The following FRY variants were observed in gnomAD, a reference collection of about 807,000 sequenced individuals.
FRY encodes FRY microtubule binding protein, also known as protein furry homolog.
A neutral mutation model predicts 348.4 loss-of-function variants in FRY; 128 were observed. That is an observed-to-expected ratio of 0.37 (90% CI 0.32 to 0.43). FRY has a LOEUF of 0.43. Among genes scored for constraint, FRY ranks in the 20% least tolerant of loss-of-function variants. The pLI, the probability that FRY is intolerant of heterozygous loss-of-function variation, is 1.00. For synonymous variants in FRY, 1,370 were observed against 1,374.7 expected (o/e 1.00, Z 0.08); for missense variants, 2,736 against 3,695.2 (o/e 0.74, Z 6.73).
intron 55 of FRY, among the ~76,000 whole-genome samples, chr13:32,273,706 G>T (rs1888337943): frequency 6.6e-6 from 1 of 152,176 alleles, no homozygotes; most frequent in Non-Finnish European, 1.5e-5. Context: ...TTTCCGTGCT[G>T]TCTCAAGGAG....
At chr13:32,104,425 G>C (rs1169921973) in intron 3 of FRY, among the ~76,000 whole-genome samples, 2 of 152,196 alleles carry the variant, frequency 1.3e-5, no homozygotes, top group Non-Finnish European at 2.9e-5. Flanking sequence ...AAAACTCCCA[G>C]GTGACTCACA....
chr13:32,070,473 A>G (rs1419901240), intron 1 of FRY, among the ~76,000 whole-genome samples: 1 of 151,678 alleles, frequency 6.6e-6, no homozygotes, highest in African/African-American at 2.4e-5. Context: ...ACCAGTGATG[A>G]TGAGCATTTT....
chr13:32,271,854 G>T (rs528611843), intron 55 of FRY, among the ~76,000 whole-genome samples: 1 of 152,348 alleles, frequency 6.6e-6, no homozygotes, highest in South Asian at 2.1e-4. Flanking sequence ...AGTGGTTGTG[G>T]AAAGAGGGAG....
intron 13 of FRY, among the ~76,000 whole-genome samples, chr13:32,148,517 G>A (rs1264675764): frequency 2.6e-5 from 4 of 152,126 alleles, no homozygotes; most frequent in Non-Finnish European, 5.9e-5. Flanking sequence ...TTTACTATTT[G>A]AGCCCAGGAG....
At chr13:32,135,476 C>T (rs111369773) in intron 10 of FRY, among the ~76,000 whole-genome samples, 1 of 152,136 alleles carries the variant, frequency 6.6e-6, no homozygotes, top group Non-Finnish European at 1.5e-5. Context: ...TTTCTGAGAA[C>T]TTTTTTCCAA....
At chr13:32,066,885 G>T (rs1395940949) in intron 1 of FRY, among the ~76,000 whole-genome samples, 2 of 152,194 alleles carry the variant, frequency 1.3e-5, no homozygotes, top group Admixed American at 1.3e-4. Context: ...AGTTTATTAA[G>T]TTTTTCATAT....
At chr13:32,291,353 CTTTTT>C (rs1428101682) in intron 59 of FRY, among the ~76,000 whole-genome samples, 1 of 151,210 alleles carries the variant, frequency 6.6e-6, no homozygotes, top group Non-Finnish European at 1.5e-5. Flanking sequence ...CAACTCTTTT[CTTTTT>C]TATTTGCCAC....
At chr13:32,179,330 T>C (rs1355982610) in intron 22 of FRY, among the ~76,000 whole-genome samples, 1 of 152,218 alleles carries the variant, frequency 6.6e-6, no homozygotes, top group Non-Finnish European at 1.5e-5. Flanking sequence ...ACACTACATT[T>C]CTTTCACTCC....
At position 32,078,324 on chromosome 13, in the gene FRY, G is replaced by C. The variant is rs187808404; in HGVS notation, c.71-510G>C. Among the ~76,000 whole-genome samples the C allele has an allele frequency of 2.6e-3, 397 of 152,282 alleles. 9 individuals are homozygous for C. Among genetic ancestry groups the C allele is most frequent in the Admixed American group, 0.024 (362 of 15,296 alleles). On this transcript the variant is annotated intron_variant, in intron 1 of 60. Transcript: ENST00000542859. ...CTTTCAAGAGGTGTGTCCCTTTCTGGAGCAAGAGCCAGCTTGGCTTCTAAA... is the reference window on the plus strand; with the variant it reads ...CTTTCAAGAGGTGTGTCCCTTTCTGCAGCAAGAGCCAGCTTGGCTTCTAAA...
chr13:32,032,059 C>G (rs550480108), intron 1 of FRY, among the ~76,000 whole-genome samples, 194 bp downstream of exon 1: 4 of 139,534 alleles, frequency 2.9e-5, no homozygotes, highest in Non-Finnish European at 4.5e-5. Context: ...TTGCTCCCAT[C>G]TGCTGTGAAA....
In FRY at chr13:32,269,962, C is replaced by T. The variant is rs191217228; in HGVS notation, c.8136+2603C>T. On this transcript the variant is annotated intron_variant, in intron 55 of 60. Coordinates refer to ENST00000542859, the MANE Select transcript of FRY (RefSeq NM_023037.3). ...TTTCAACTTCTTCAATTTACTCTAACTGAAAACCTAGTAGAAACTTGAATG... is the reference window on the plus strand; with the variant it reads ...TTTCAACTTCTTCAATTTACTCTAATTGAAAACCTAGTAGAAACTTGAATG... Among the ~76,000 whole-genome samples, 268 of 152,268 alleles carry T rather than the reference C, an allele frequency of 1.8e-3. 1 individual carries two copies. The highest frequency in any genetic ancestry group is 6.1e-3 in the African/African-American group (253 of 41,554).
intron 44 of FRY, 26 bp downstream of exon 44, chr13:32,238,012 C>G (rs1886305108): frequency 1.2e-6 from 2 of 1,610,230 alleles, no homozygotes; most frequent in African/African-American, 2.7e-5. Context: ...TTCACCCTGT[C>G]TCAATTCTGA....
intron 13 of FRY, 21 bp from the exon 14 acceptor site, chr13:32,149,727 G>A: frequency 7.2e-7 from 1 of 1,382,686 alleles, no homozygotes; most frequent in Non-Finnish European, 1.0e-6. Flanking sequence ...CTTTCATTTT[G>A]TGTTCTTGTT....
intron 24 of FRY, 101 bp downstream of exon 24, chr13:32,183,135 C>T: frequency 3.0e-6 from 2 of 659,452 alleles, no homozygotes; most frequent in Non-Finnish European, 2.7e-6. Flanking sequence ...AAACCCCTAA[C>T]ACCTTTTAAC....
Position 32,294,537 on chromosome 13 carries a change from T to G in FRY, c.8750T>G (p.Leu2917Arg), listed in dbSNP as rs749829163. The part of the protein sequence containing the change: ...SMLECLKNNE[L>R]GKALRQIREC... ...CTGGAGTGCCTGAAGAACAACGAAC[T>G]CGGCAAAGCTTTGCGGCAGATCAGG... Residue 2917 changes from leucine to arginine, a missense_variant, in exon 60 of 61, where the codon CTC (leucine) becomes CGC (arginine). Leu to Arg is a moderately radical substitution (Grantham distance 102). Coordinates refer to ENST00000542859, the MANE Select transcript of FRY (RefSeq NM_023037.3). The G allele has an allele frequency of 6.2e-7, 1 of 1,614,140 alleles. No homozygotes were observed. The highest frequency in any genetic ancestry group is 1.1e-5 in the South Asian group (1 of 91,078).
chr13:32,175,495 G>T (rs1240069621), intron 19 of FRY, 51 bp from the exon 20 acceptor site: 2 of 1,089,054 alleles, frequency 1.8e-6, no homozygotes, highest in Non-Finnish European at 2.9e-6. Context: ...GGTGGGGTGG[G>T]TGGGGAGGAT....
chr13:32,099,273 T>C (rs434414), intron 2 of FRY, among the ~76,000 whole-genome samples: 88,913 of 149,066 alleles, frequency 0.6, 26,452 homozygotes, highest in South Asian at 0.66. Context: ...TGTGTATATA[T>C]GTATATATAT....
At chr13:32,264,766 T>C (rs1321027170) in intron 53 of FRY, among the ~76,000 whole-genome samples, 2 of 152,244 alleles carry the variant, frequency 1.3e-5, no homozygotes, top group Non-Finnish European at 1.5e-5. Flanking sequence ...ATATCTGTTA[T>C]CTGTGGAGGG....
chr13:32,234,662 G>T lies in FRY; in HGVS notation c.5616G>T (p.Gln1872His). 1 of 1,614,078 alleles carries T rather than the reference G, an allele frequency of 6.2e-7. No homozygotes were observed. Among genetic ancestry groups the T allele is most frequent in the Non-Finnish European group, 8.5e-7 (1 of 1,179,998 alleles). ...GGCACTATGCTGGTCGGTCCTTCCA[G>T]ATATTCCGGGCCCTCAAGCAACCTC... is the stretch of plus-strand genomic sequence containing the variant. ...SSRHYAGRSF[Q>H]IFRALKQPLS... The change falls in exon 42 of 61, where the codon CAG becomes CAT. Residue 1872 changes from glutamine (Q) to histidine (H), a missense_variant. By Grantham distance (24) the Gln-to-His change is conservative (BLOSUM62 0). Around this residue, in one of 9 missense-constraint regions of FRY, gnomAD observed 794 missense variants for 977.0 expected, o/e 0.81. Transcript: ENST00000542859.
Sources: gnomAD v4.1 joint callset for allele counts (sites outside exome capture counted in the v4.1 genomes callset) on GRCh38, gnomAD v4.1.1 for gene constraint, gnomAD v4.1.1 regional missense constraint, MANE v1.5 for transcripts, NCBI Gene and HGNC (gene_info 2026-07-23, HGNC 2026-07-21) for gene names.